The following IL1RAPL2 variants were observed in gnomAD, a reference collection of about 807,000 sequenced individuals.
The protein encoded by IL1RAPL2 is interleukin 1 receptor accessory protein like 2.
In IL1RAPL2, 3 loss-of-function variants were observed where a neutral mutation model predicts 44.1. That is an observed-to-expected ratio of 0.07 (90% CI 0.03 to 0.18). The LOEUF (loss-of-function observed/expected upper bound fraction) is 0.18, where lower values mean the gene tolerates loss of function less well. Among genes scored for constraint, IL1RAPL2 ranks in the 10% least tolerant of loss-of-function variants. IL1RAPL2 has a pLI of 1.00. For synonymous variants in IL1RAPL2, 181 were observed against 178.8 expected (o/e 1.01, Z -0.10); for missense variants, 391 against 496.4 (o/e 0.79, Z 2.02).
intron 2 of IL1RAPL2, among the ~76,000 whole-genome samples, chrX:104,841,288 C>T (rs914223400): frequency 9.9e-5 from 11 of 111,576 alleles, no homozygotes; most frequent in African/African-American, 1.6e-4. Context: ...TGTCTTTGCA[C>T]GTGAGATGTG....
chrX:104,579,687 C>T (rs1217002484), intron 1 of IL1RAPL2, among the ~76,000 whole-genome samples: 5 of 111,094 alleles, frequency 4.5e-5, no homozygotes, highest in Non-Finnish European at 9.4e-5. Context: ...AATCTGTATA[C>T]GAAACCCCTG....
chrX:105,006,411 T>A (rs2030943077), intron 2 of IL1RAPL2, among the ~76,000 whole-genome samples: 1 of 110,679 alleles, frequency 9.0e-6, no homozygotes, highest in Non-Finnish European at 1.9e-5. Flanking sequence ...TATATAGATA[T>A]AATATATATA....
intron 2 of IL1RAPL2, among the ~76,000 whole-genome samples, chrX:104,836,066 G>A (rs763504450): frequency 6.7e-4 from 75 of 111,997 alleles, no homozygotes; most frequent in African/African-American, 2.4e-3. Context: ...GCACAATGGA[G>A]TGCTATTCAG....
At chrX:104,757,033 A>AAG (rs778435442) in intron 2 of IL1RAPL2, among the ~76,000 whole-genome samples, 411 of 109,485 alleles carry the variant, frequency 3.8e-3, no homozygotes, top group African/African-American at 0.012. Flanking sequence ...ATCCAAGAGA[A>AAG]AGAGAGAGAG....
At chrX:105,484,463 A>G (rs972888849) in intron 6 of IL1RAPL2, 76 bp downstream of exon 6, 5 of 686,635 alleles carry the variant, frequency 7.3e-6, no homozygotes, top group Non-Finnish European at 1.2e-5. Context: ...ATGAACCAGG[A>G]AAGGTTTATT....
chrX:105,033,383 A>G lies in IL1RAPL2; in HGVS notation c.83-162092A>G, dbSNP rs1182016950. Among the ~76,000 whole-genome samples the G allele has an allele frequency of 7.2e-5, 8 of 111,055 alleles. No homozygotes were observed. In the Admixed American group the frequency reaches 7.7e-4, roughly 11 times the overall value. ...GTACCGGTTGTTCCTTTCCATGTTT[A>G]TTGCTTCCTTCAGGAGCTCTTTTAG... On this transcript the variant is annotated intron_variant, in intron 2 of 10. Transcript: ENST00000372582.
chrX:105,330,885 A>G (rs1166976015), intron 5 of IL1RAPL2, among the ~76,000 whole-genome samples: 2 of 111,288 alleles, frequency 1.8e-5, no homozygotes, highest in Non-Finnish European at 3.8e-5. Context: ...ATTCTTCCAC[A>G]TTGCAACCAG....
chrX:105,476,576 T>C (rs1027434992), intron 5 of IL1RAPL2, among the ~76,000 whole-genome samples: 1 of 112,053 alleles, frequency 8.9e-6, no homozygotes, highest in African/African-American at 3.2e-5. Flanking sequence ...TCTCTCTAGA[T>C]TGAGTTAATA....
intron 5 of IL1RAPL2, among the ~76,000 whole-genome samples, chrX:105,325,492 C>T (rs1037494093): frequency 1.0e-5 from 1 of 99,644 alleles, no homozygotes; most frequent in Non-Finnish European, 2.0e-5. Context: ...TGTGAACATT[C>T]GTGTATAAGT....
intron 1 of IL1RAPL2, among the ~76,000 whole-genome samples, chrX:104,600,050 T>C (rs189277092): frequency 9.0e-6 from 1 of 111,555 alleles, no homozygotes. Context: ...CACAAGCTGG[T>C]TGGAAGCAAA....
intron 5 of IL1RAPL2, among the ~76,000 whole-genome samples, chrX:105,276,373 A>G (rs1204394969): frequency 1.8e-5 from 2 of 112,713 alleles, no homozygotes; most frequent in African/African-American, 3.2e-5. Flanking sequence ...GTGCCATTGC[A>G]CTCCAGCCTG....
chrX:104,735,242 G>A (rs773144316), intron 2 of IL1RAPL2, among the ~76,000 whole-genome samples: 5 of 111,422 alleles, frequency 4.5e-5, no homozygotes, highest in Non-Finnish European at 9.4e-5. Context: ...ATAAGAAAAT[G>A]GTATTTTGAT....
At chrX:105,727,039 A>AT (rs11449372) in intron 7 of IL1RAPL2, among the ~76,000 whole-genome samples, 14,567 of 109,507 alleles carry the variant, frequency 0.13, 857 homozygotes, top group South Asian at 0.24. Flanking sequence ...GAACATTTTA[A>AT]TTTTTTTAAA....
chrX:105,376,753 T>C (rs2035390273), intron 5 of IL1RAPL2, among the ~76,000 whole-genome samples: 1 of 111,799 alleles, frequency 8.9e-6, no homozygotes, highest in Non-Finnish European at 1.9e-5. Flanking sequence ...GATTTTGAAG[T>C]GGTCTAATTG....
chrX:105,136,417 G>T (rs914282094), intron 2 of IL1RAPL2, among the ~76,000 whole-genome samples: 1 of 111,985 alleles, frequency 8.9e-6, no homozygotes, highest in African/African-American at 3.2e-5. Context: ...CTCCACAAAG[G>T]CACGTGTAAA....
chrX:105,110,541 T>G (rs1193115730), intron 2 of IL1RAPL2, among the ~76,000 whole-genome samples: 1 of 112,414 alleles, frequency 8.9e-6, no homozygotes, highest in Admixed American at 9.5e-5. Flanking sequence ...CTCAAATGAA[T>G]GTAAATTTAC....
chrX:105,062,751 C>G (rs1264585909), intron 2 of IL1RAPL2, among the ~76,000 whole-genome samples: 1 of 111,432 alleles, frequency 9.0e-6, no homozygotes, highest in South Asian at 3.7e-4. Flanking sequence ...TTAAATACAT[C>G]ATGCCACTCT....
chrX:105,446,716 A>G (rs145287027), intron 5 of IL1RAPL2, among the ~76,000 whole-genome samples: 214 of 109,301 alleles, frequency 2.0e-3, no homozygotes, highest in Middle Eastern at 4.7e-3. Flanking sequence ...TTGTCTCTCC[A>G]TTGTTTCTCT....
At chrX:105,180,454 G>T (rs1556130191) in intron 2 of IL1RAPL2, among the ~76,000 whole-genome samples, 1 of 111,879 alleles carries the variant, frequency 8.9e-6, no homozygotes, top group African/African-American at 3.3e-5. Flanking sequence ...TCAGTATGTT[G>T]TCAACTGTGG....
Sources: allele counts gnomAD v4.1 joint callset (sites outside exome capture counted in the v4.1 genomes callset), GRCh38; gene constraint gnomAD v4.1.1; transcripts MANE v1.5; gene names NCBI Gene and HGNC (gene_info 2026-07-23, HGNC 2026-07-21).